ARAP2: variants seen among roughly 807,000 people sequenced by gnomAD.
ARAP2 encodes the protein arf-GAP with Rho-GAP domain, ANK repeat and PH domain-containing protein 2.
In ARAP2, 148 loss-of-function variants were observed where a neutral mutation model predicts 194.5. That is an observed-to-expected ratio of 0.76 (90% CI 0.67 to 0.87). The LOEUF (loss-of-function observed/expected upper bound fraction) is 0.87. Among genes scored for constraint, ARAP2 ranks in the 40% least tolerant of loss-of-function variants. The pLI is 0.00. For synonymous variants in ARAP2, 695 were observed against 683.5 expected (o/e 1.02, Z -0.26); for missense variants, 2,128 against 1,989.7 (o/e 1.07, Z -1.32).
Position 36,080,273 on chromosome 4 carries a change from C to G in ARAP2, c.4551G>C (p.Leu1517=). Residue 1517 remains leucine, a synonymous_variant, in exon 31 of 33, where the codon CTG becomes CTC. Transcript: ENST00000303965. ...TAYSEKHHWH[L]CCDSSRTQTE... is the part of the protein sequence containing the mutation. ...TCTGAGTTCGTGAACTATCACAACA[C>G]AGGTGCCTGCAAAACGAGGTTTATA... The G allele has an allele frequency of 1.2e-6, 2 of 1,612,444 alleles. No homozygotes were observed. The highest frequency in any genetic ancestry group is 1.7e-6 in the Non-Finnish European group (2 of 1,178,844).
chr4:36,096,076 T>C (rs1715091423), intron 27 of ARAP2, among the ~76,000 whole-genome samples: 1 of 151,880 alleles, frequency 6.6e-6, no homozygotes, highest in South Asian at 2.1e-4. Context: ...AAAAAAAAAT[T>C]AGTCTTTCCA....
At chr4:36,184,279 AT>A (rs1739996103) in intron 8 of ARAP2, among the ~76,000 whole-genome samples, 1 of 1,738 alleles carries the variant, frequency 5.8e-4, no homozygotes, top group Admixed American at 3.7e-3. Context: ...GCATAAACAT[AT>A]ATATATATAT....
chr4:36,232,167 T>C (rs985079687), intron 1 of ARAP2, among the ~76,000 whole-genome samples: 7 of 152,242 alleles, frequency 4.6e-5, no homozygotes, highest in African/African-American at 1.7e-4. Flanking sequence ...TTAAGCTACA[T>C]GGCCTGTGGT....
chr4:36,117,032 T>A, intron 25 of ARAP2, 29 bp downstream of exon 25: 1 of 1,467,034 alleles, frequency 6.8e-7, no homozygotes, highest in South Asian at 1.3e-5. Flanking sequence ...CTTCCAACAG[T>A]CCTCTTTACA....
intron 31 of ARAP2, among the ~76,000 whole-genome samples, chr4:36,076,154 T>C (rs1728206503): frequency 6.6e-6 from 1 of 152,188 alleles, no homozygotes; most frequent in Admixed American, 6.6e-5. Context: ...GTCATATCTA[T>C]AATTGCTCAG....
chr4:36,094,015 T>C (rs1714489890), intron 27 of ARAP2, among the ~76,000 whole-genome samples: 1 of 152,208 alleles, frequency 6.6e-6, no homozygotes, highest in Non-Finnish European at 1.5e-5. Flanking sequence ...TAATATCCTT[T>C]TCCTACTATT....
chr4:36,017,914 G>A (rs1577548002), intron 6 of ARAP2, among the ~76,000 whole-genome samples: 1 of 152,050 alleles, frequency 6.6e-6, no homozygotes. Context: ...ATATTTGGGG[G>A]TAGAGGAAGA....
intron 31 of ARAP2, among the ~76,000 whole-genome samples, chr4:36,074,715 T>C (rs935719840): frequency 6.6e-6 from 1 of 152,118 alleles, no homozygotes; most frequent in African/African-American, 2.4e-5. Flanking sequence ...TATAGCTAAA[T>C]GCCTACTCTT....
Position 36,229,274 on chromosome 4 carries a change from C to T in ARAP2, c.213G>A (p.Met71Ile), listed in dbSNP as rs557619391. 3.5e-5 allele frequency: 56 copies of T among 1,613,904 alleles called. No individual in the cohort carries two copies. The East Asian group carries it at 1.1e-3, about 31-fold the overall frequency. ...LKQLQIILSKMQDIPIYANVH... is the reference protein window; with the variant it reads ...LKQLQIILSKIQDIPIYANVH... ...CATTTGCATATATTGGAATATCTTGCATTTTTGACAAGATTATCTGTAACT... is the reference window on the plus strand; with the variant it reads ...CATTTGCATATATTGGAATATCTTGTATTTTTGACAAGATTATCTGTAACT... Residue 71 changes from methionine to isoleucine, a missense_variant, in exon 2 of 33, where the codon ATG (methionine) becomes ATA (isoleucine). Transcript: ENST00000303965.
rs113908943 is a variant in ARAP2, at chr4:36,119,829, G to C, written c.3895-111C>G. The stretch of plus-strand genomic sequence containing the variant: ...AAATACTAACAACTTAAAAATAAAT[G>C]AGAATGGCCATCGGAATCAATATGA... On this transcript the variant is annotated intron_variant, in intron 23 of 32. Transcript: ENST00000303965. 449 of 697,444 alleles carry C rather than the reference G, an allele frequency of 6.4e-4. No homozygotes were observed. The African/African-American group carries it at 7.6e-3, about 12-fold the overall frequency. 43.2% of individuals were successfully genotyped at this position (697,444 alleles called of 1,614,324 possible).
intron 30 of ARAP2, among the ~76,000 whole-genome samples, chr4:36,081,385 A>AG (rs2109345656): frequency 6.6e-6 from 1 of 152,316 alleles, no homozygotes; most frequent in Non-Finnish European, 1.5e-5. Flanking sequence ...GGTTTAGTAG[A>AG]GGGACCATGT....
chr4:36,127,064 G>A (rs1258600734), intron 21 of ARAP2, among the ~76,000 whole-genome samples: 3 of 151,952 alleles, frequency 2.0e-5, no homozygotes, highest in Non-Finnish European at 2.9e-5. Context: ...TCAAACTCCC[G>A]GCCTCAAGCT....
chr4:36,079,415 T>A (rs1251276903), intron 31 of ARAP2, among the ~76,000 whole-genome samples: 1 of 152,102 alleles, frequency 6.6e-6, no homozygotes, highest in Non-Finnish European at 1.5e-5. Context: ...GTGAGCTAAC[T>A]TATTTCTTAT....
intron 5 of ARAP2, among the ~76,000 whole-genome samples, chr4:36,043,705 A>G (rs1011965736): frequency 6.7e-6 from 1 of 150,286 alleles, no homozygotes; most frequent in South Asian, 2.2e-4. Flanking sequence ...GTGCCCTGTG[A>G]TCGTGTTTGT....
At chr4:36,152,614 G>T (rs534283746) in intron 15 of ARAP2, among the ~76,000 whole-genome samples, 2 of 151,996 alleles carry the variant, frequency 1.3e-5, no homozygotes, top group Admixed American at 1.3e-4. Flanking sequence ...TCAGCAGGTT[G>T]TCTCTTTAGT....
chr4:36,150,825 T>C, intron 16 of ARAP2, 75 bp downstream of exon 16: 2 of 1,487,042 alleles, frequency 1.3e-6, no homozygotes, highest in Non-Finnish European at 1.8e-6. Context: ...ACTAAAATGA[T>C]AACAAAACTC....
At chr4:36,219,091 A>C (rs896100797) in intron 2 of ARAP2, among the ~76,000 whole-genome samples, 7 of 152,348 alleles carry the variant, frequency 4.6e-5, no homozygotes, top group South Asian at 4.1e-4. Context: ...TGAGGGTATG[A>C]AACAAGAGGA....
chr4:36,068,345 A>T, intron 32 of ARAP2, 67 bp from the exon 33 acceptor site: 1 of 1,466,512 alleles, frequency 6.8e-7, no homozygotes, highest in South Asian at 1.5e-5. Context: ...AGAAAGTGCA[A>T]TCCACATAAA....
rs910528835 is a variant in ARAP2 at position 36,073,802 on chromosome 4, G to T, written c.4630C>A (p.Pro1544Thr). Residue 1544 changes from proline (P) to threonine (T), a missense_variant, in exon 32 of 33, where the codon CCA becomes ACA. Transcript: ENST00000303965. ...IAQHEYDIWP[P>T]AGKERKRSIT... ...GAACGTTTTCGTTCCTTTCCAGCTG[G>T]TGGCCATATATCATATTCATGCTGT... is the stretch of plus-strand genomic sequence containing the variant. 6.2e-7 allele frequency: 1 copy of T among 1,612,952 alleles called. No homozygotes were observed. The highest frequency in any genetic ancestry group is 2.2e-5 in the East Asian group (1 of 44,846).
Sources: gnomAD v4.1 joint callset for allele counts (sites outside exome capture counted in the v4.1 genomes callset) on GRCh38, gnomAD v4.1.1 for gene constraint, MANE v1.5 for transcripts, NCBI Gene and HGNC (gene_info 2026-07-23, HGNC 2026-07-21) for gene names.